Variants in COX6B1 observed in about 807,000 individuals in gnomAD.
COX6B1 encodes COX VIb-1.
A neutral mutation model predicts 14.0 loss-of-function variants in COX6B1; 2 were observed. The observed-to-expected ratio is 0.14, with a 90% CI of 0.06 to 0.45. COX6B1 has a LOEUF of 0.45. COX6B1 is among the 20% of genes least tolerant of loss of function. COX6B1 has a pLI of 0.98. For synonymous variants in COX6B1, 30 were observed against 39.7 expected, an observed-to-expected ratio of 0.76 and a Z score of 0.92; for missense variants, 81 against 114.2, an observed-to-expected ratio of 0.71 and a Z score of 1.33.
At chr19:35,654,195 G>A (rs1230842333) in intron 2 of COX6B1, among the ~76,000 whole-genome samples, 1 of 152,174 alleles carries the variant, frequency 6.6e-6, no homozygotes, top group Admixed American at 6.6e-5. Flanking sequence ...CCATTTTGGA[G>A]TTCTTACAAA....
chr19:35,648,923 T>C, intron 1 of COX6B1: 1 of 533,340 alleles, frequency 1.9e-6, no homozygotes, highest in South Asian at 1.4e-5. Context: ...CGATCCTTCC[T>C]ACTGCGTCTG....
chr19:35,651,379 C>T lies in COX6B1; in HGVS notation c.106+30C>T, dbSNP rs1228318950. ...GCAGGACCTTTCCCTGGCCACATAC[C>T]TCGAGTCACTCACCGCTTGCCTCTT... On this transcript the variant is annotated intron_variant, in intron 2 of 3. Transcript: ENST00000649813. 6 of 1,543,398 alleles carry T rather than the reference C, an allele frequency of 3.9e-6. No homozygotes were observed. The Admixed American group carries it at 8.4e-5, about 22-fold the overall frequency.
intron 3 of COX6B1, among the ~76,000 whole-genome samples, chr19:35,657,539 G>T (rs949974836): frequency 3.3e-5 from 5 of 151,916 alleles, no homozygotes; most frequent in Non-Finnish European, 7.4e-5. Context: ...AAATGTGAGC[G>T]TGTATGTATA....
At chr19:35,648,908 G>A (rs758633105) in intron 1 of COX6B1, 45 of 533,348 alleles carry the variant, frequency 8.4e-5, no homozygotes, top group South Asian at 5.9e-4. Flanking sequence ...AGATCTCGCC[G>A]GTAACGATCC....
chr19:35,648,892 G>T (rs1967790623), intron 1 of COX6B1: 1 of 533,298 alleles, frequency 1.9e-6, no homozygotes, highest in Non-Finnish European at 3.8e-6. Flanking sequence ...CTCAGATACC[G>T]GGTAGAGATC....
At chr19:35,652,255 T>C (rs998062230) in intron 2 of COX6B1, among the ~76,000 whole-genome samples, 1 of 151,628 alleles carries the variant, frequency 6.6e-6, no homozygotes, top group African/African-American at 2.4e-5. Context: ...GGTCTCAAAC[T>C]CCTGACCTCA....
chr19:35,654,775 C>G, intron 3 of COX6B1, 104 bp downstream of exon 3: 1 of 950,072 alleles, frequency 1.1e-6, no homozygotes, highest in East Asian at 2.5e-5. Flanking sequence ...AGAGGGAGGA[C>G]AGGGCACCAC....
intron 3 of COX6B1, 85 bp from the exon 4 acceptor site, chr19:35,658,509 C>G (rs533712169): frequency 7.9e-7 from 1 of 1,268,742 alleles, no homozygotes; most frequent in Non-Finnish European, 1.1e-6. Flanking sequence ...ATTGGTTGAA[C>G]AAACAGGTGG....
At chr19:35,654,070 A>T (rs1967861188) in intron 2 of COX6B1, among the ~76,000 whole-genome samples, 1 of 151,952 alleles carries the variant, frequency 6.6e-6, no homozygotes, top group Admixed American at 6.6e-5. Context: ...TTGTGTTTGG[A>T]TTTTTTCATT....
intron 1 of COX6B1, among the ~76,000 whole-genome samples, chr19:35,650,464 C>A (rs1967812386): frequency 1.3e-5 from 2 of 152,106 alleles, no homozygotes. Flanking sequence ...GTAATCTCAA[C>A]ATTTTGGGAG....
chr19:35,658,169 A>T (rs1967908118), intron 3 of COX6B1, among the ~76,000 whole-genome samples: 1 of 152,104 alleles, frequency 6.6e-6, no homozygotes, highest in South Asian at 2.1e-4. Flanking sequence ...CCTTTTTTGC[A>T]CTTGACTATG....
At chr19:35,649,270 TAGC>T (rs1427002342) in intron 1 of COX6B1, among the ~76,000 whole-genome samples, 1 of 152,146 alleles carries the variant, frequency 6.6e-6, no homozygotes, top group Non-Finnish European at 1.5e-5. Context: ...TCGGTAGTAC[TAGC>T]AGCAGCGGTG....
chr19:35,651,292 T>C lies in COX6B1; in HGVS notation c.49T>C (p.Phe17Leu). 1 of 1,614,034 alleles carries C rather than the reference T, an allele frequency of 6.2e-7. No individual in the cohort carries two copies. Among genetic ancestry groups the C allele is most frequent in the Non-Finnish European group, 8.5e-7 (1 of 1,179,978 alleles). Residue 17 changes from phenylalanine (F) to leucine (L), a missense_variant, in exon 2 of 4, where the codon TTT becomes CTT. Transcript: ENST00000649813. Reference protein sequence around the residue: ...TKIKNYKTAPFDSRFPNQNQT... With the variant: ...TKIKNYKTAPLDSRFPNQNQT... ...AATCAAGAACTACAAGACCGCCCCT[T>C]TTGACAGCCGCTTCCCCAACCAGAA...
chr19:35,650,888 G>A (rs930580311), intron 1 of COX6B1, among the ~76,000 whole-genome samples: 6 of 152,056 alleles, frequency 3.9e-5, no homozygotes, highest in African/African-American at 1.2e-4. Flanking sequence ...TTCCTTCCTC[G>A]TCTGGGCAAT....
At chr19:35,651,858 C>T (rs907478528) in intron 2 of COX6B1, among the ~76,000 whole-genome samples, 2 of 152,036 alleles carry the variant, frequency 1.3e-5, no homozygotes, top group South Asian at 4.1e-4. Flanking sequence ...AGCCACCGTG[C>T]CTGGCCCCTA....
At chr19:35,650,780 G>T (rs980071548) in intron 1 of COX6B1, among the ~76,000 whole-genome samples, 2 of 152,042 alleles carry the variant, frequency 1.3e-5, no homozygotes, top group African/African-American at 4.8e-5. Context: ...GCACCAAAAA[G>T]ATTAAGAATC....
Position 35,651,287 on chromosome 19 carries a change from C to T in COX6B1, c.44C>T (p.Ala15Val). The change falls in exon 2 of 4, where the codon GCC becomes GTC. Residue 15 changes from alanine to valine, a missense_variant. Coordinates refer to ENST00000649813, the MANE Select transcript of COX6B1 (RefSeq NM_001863.5). ...METKIKNYKTAPFDSRFPNQN... is the reference protein window; with the variant it reads ...METKIKNYKTVPFDSRFPNQN... ...ACCAAAATCAAGAACTACAAGACCG[C>T]CCCTTTTGACAGCCGCTTCCCCAAC... The T allele has an allele frequency of 1.9e-6, 3 of 1,614,148 alleles. No individual in the cohort carries two copies. The highest frequency in any genetic ancestry group is 2.5e-6 in the Non-Finnish European group (3 of 1,180,010).
intron 2 of COX6B1, among the ~76,000 whole-genome samples, chr19:35,653,224 CA>C (rs1967849563): frequency 6.6e-6 from 1 of 151,738 alleles, no homozygotes; most frequent in Non-Finnish European, 1.5e-5. Flanking sequence ...CCACCCCCCT[CA>C]GCCTCCCAAA....
intron 2 of COX6B1, 72 bp downstream of exon 2, chr19:35,651,421 AC>A: frequency 9.0e-7 from 1 of 1,114,464 alleles, no homozygotes; most frequent in South Asian, 1.3e-5. Context: ...GGACCCATCC[AC>A]CCCAGCCTCC....
Sources: gnomAD v4.1 joint callset for allele counts (sites outside exome capture counted in the v4.1 genomes callset) on GRCh38, gnomAD v4.1.1 for gene constraint, MANE v1.5 for transcripts, NCBI Gene and HGNC (gene_info 2026-07-23, HGNC 2026-07-21) for gene names.